Variants in GARIN1A observed in about 807,000 individuals in gnomAD.
GARIN1A encodes Golgi-associated RAB2 interactor protein 1A.
chr7:128,698,879 G>A, the GARIN1A span, among the ~76,000 whole-genome samples: 6 of 152,174 alleles, frequency 3.9e-5, no homozygotes, highest in African/African-American at 1.2e-4. Context: ...GAGCCACCGC[G>A]CCCGGCCAAT....
the GARIN1A span, among the ~76,000 whole-genome samples, chr7:128,699,336 A>G: frequency 1.4e-5 from 2 of 139,710 alleles, no homozygotes; most frequent in African/African-American, 2.7e-5. Context: ...TTAACAATTC[A>G]TTTGTTCTTG....
At chr7:128,708,633 T>A in the GARIN1A span, among the ~76,000 whole-genome samples, 1 of 152,122 alleles carries the variant, frequency 6.6e-6, no homozygotes, top group Non-Finnish European at 1.5e-5. Context: ...AGGGAGGGAG[T>A]AATTTGTGAG....
the GARIN1A span, among the ~76,000 whole-genome samples, chr7:128,671,996 G>T: frequency 1.3e-5 from 2 of 152,188 alleles, no homozygotes; most frequent in Non-Finnish European, 2.9e-5. Flanking sequence ...AAGCCTGTAT[G>T]TTCCCGAGAG....
chr7:128,700,143 G>A, the GARIN1A span, among the ~76,000 whole-genome samples: 649 of 152,208 alleles, frequency 4.3e-3, 4 homozygotes, highest in African/African-American at 0.015. Flanking sequence ...CCAGGCTGGA[G>A]TGCAGTGGTG....
At chr7:128,675,417 CATCTTTTTAGTTAGATAAAACAGTT>C in the GARIN1A span, among the ~76,000 whole-genome samples, 23,818 of 151,958 alleles carry the variant, frequency 0.16, 2,284 homozygotes, top group African/African-American at 0.26. Flanking sequence ...CTTGCTAGTG[CATCTTTTTAGTTAGATAAAACAGTT>C]ATCTTTTTAG....
chr7:128,696,892 C>A, the GARIN1A span, among the ~76,000 whole-genome samples: 6 of 152,174 alleles, frequency 3.9e-5, no homozygotes, highest in Admixed American at 3.3e-4. Flanking sequence ...AACATGTTTA[C>A]AACTACTTGA....
the GARIN1A span, among the ~76,000 whole-genome samples, chr7:128,695,360 G>A: frequency 6.6e-5 from 10 of 152,268 alleles, no homozygotes; most frequent in Middle Eastern, 3.4e-3. The surrounding 1 kb of genome is among the most constrained non-coding windows in gnomAD (Gnocchi z 4.5). Context: ...ACAGTTCCAA[G>A]AAAGTTTCAG....
At chr7:128,672,418 C>T in the GARIN1A span, 35 of 1,608,614 alleles carry the variant, frequency 2.2e-5, no homozygotes, top group Non-Finnish European at 2.7e-5. Flanking sequence ...TCAGGGGCCT[C>T]CCACCTGAGG....
chr7:128,677,860 A>C, the GARIN1A span: 3 of 1,493,066 alleles, frequency 2.0e-6, no homozygotes, highest in Non-Finnish European at 2.7e-6. Flanking sequence ...AGTATATATA[A>C]GTATATATGT....
the GARIN1A span, among the ~76,000 whole-genome samples, chr7:128,705,116 C>T: frequency 1.3e-5 from 2 of 152,190 alleles, no homozygotes; most frequent in African/African-American, 4.8e-5. Context: ...GCGGATGTAA[C>T]GCGGTTTGTT....
At chr7:128,701,772 CAG>C in the GARIN1A span, among the ~76,000 whole-genome samples, 1 of 152,202 alleles carries the variant, frequency 6.6e-6, no homozygotes, top group Non-Finnish European at 1.5e-5. Flanking sequence ...AAGTTTAAAA[CAG>C]AGAACAAAGA....
chr7:128,675,477 A>G, the GARIN1A span, among the ~76,000 whole-genome samples: 1 of 152,268 alleles, frequency 6.6e-6, no homozygotes, highest in African/African-American at 2.4e-5. Context: ...GGACCCAGAG[A>G]AGAATGACAC....
the GARIN1A span, among the ~76,000 whole-genome samples, chr7:128,690,270 G>A: frequency 0.058 from 8,811 of 152,234 alleles, 300 homozygotes; most frequent in Middle Eastern, 0.11. Context: ...CAAACACTGC[G>A]GAAGGCCGCA....
chr7:128,681,128 A>G, the GARIN1A span, among the ~76,000 whole-genome samples: 3 of 152,360 alleles, frequency 2.0e-5, no homozygotes, highest in East Asian at 5.8e-4. Context: ...CTTTCTGGGC[A>G]GGCCACATAG....
chr7:128,699,903 AT>A, the GARIN1A span, among the ~76,000 whole-genome samples: 6 of 151,168 alleles, frequency 4.0e-5, no homozygotes, highest in Non-Finnish European at 5.9e-5. Flanking sequence ...TTTGAGTTTT[AT>A]TTTTTTTTAT....
chr7:128,707,875 TTTCC>T, the GARIN1A span, among the ~76,000 whole-genome samples: 168 of 152,108 alleles, frequency 1.1e-3, no homozygotes, highest in Non-Finnish European at 1.6e-3. Context: ...CTTTCTTTCT[TTTCC>T]TTCCTTCCTT....
the GARIN1A span, chr7:128,683,452 T>TTTTATTTATTTATTTATTTATTTATTTA: frequency 1.3e-5 from 2 of 154,332 alleles, no homozygotes; most frequent in South Asian, 4.5e-4. Context: ...GACTGGGTAA[T>TTTTATTTATTTATTTATTTATTTATTTA]TTTATTTATT....
the GARIN1A span, among the ~76,000 whole-genome samples, chr7:128,671,634 A>G: frequency 1.5e-5 from 2 of 135,536 alleles, no homozygotes; most frequent in Admixed American, 7.8e-5. Flanking sequence ...AACAAGAGCA[A>G]AACTCTGTCT....
the GARIN1A span, chr7:128,675,628 T>C: frequency 1.3e-6 from 2 of 1,593,976 alleles, no homozygotes; most frequent in South Asian, 1.1e-5. Context: ...ATTCCACCCC[T>C]TGTTTTCTGC....
Sources: allele counts gnomAD v4.1 joint callset (sites outside exome capture counted in the v4.1 genomes callset), GRCh38; gene constraint gnomAD v4.1.1; non-coding constraint Gnocchi (gnomAD v3.1); transcripts MANE v1.5; gene names NCBI Gene and HGNC (gene_info 2026-07-23, HGNC 2026-07-21).